The following USH2A variants were observed in gnomAD, a reference collection of about 807,000 sequenced individuals.
USH2A encodes the protein usherin.
Under a neutral mutation model 538.9 loss-of-function variants are expected in USH2A, and 443 were observed. The ratio of observed to expected loss-of-function variants is 0.82; its 90% CI spans 0.76 to 0.89. The LOEUF (loss-of-function observed/expected upper bound fraction) is 0.89, where lower values mean the gene tolerates loss of function less well. USH2A is among the 40% of genes least tolerant of loss of function. The pLI, the probability that USH2A is intolerant of heterozygous loss-of-function variation, is 0.00. For synonymous variants in USH2A, 2,413 were observed against 2,273.5 expected (o/e 1.06, Z -1.75); for missense variants, 6,633 against 6,324.8 (o/e 1.05, Z -1.65).
chr1:215,657,965 TC>T (rs1657315729), intron 64 of USH2A, among the ~76,000 whole-genome samples: 1 of 144,278 alleles, frequency 6.9e-6, no homozygotes, highest in Non-Finnish European at 1.5e-5. Context: ...AGTCTCTCTC[TC>T]TCTGTTGCCC....
chr1:216,321,780 T>G, intron 9 of USH2A, 103 bp downstream of exon 9: 11 of 1,096,710 alleles, frequency 1.0e-5, no homozygotes, highest in Non-Finnish European at 1.5e-5. Context: ...TATCAGTTTT[T>G]AAATTTATTT....
chr1:215,952,706 C>T (rs1183182701), intron 37 of USH2A, among the ~76,000 whole-genome samples: 2 of 152,112 alleles, frequency 1.3e-5, no homozygotes, highest in Non-Finnish European at 2.9e-5. Flanking sequence ...TGAATATTGG[C>T]CCCCACTCTG....
intron 9 of USH2A, among the ~76,000 whole-genome samples, chr1:216,314,994 T>G (rs1255619230): frequency 6.6e-6 from 1 of 152,132 alleles, no homozygotes; most frequent in East Asian, 1.9e-4. Context: ...ATGTAGTTAT[T>G]AAAGGAAAAA....
chr1:216,293,136 C>T lies in USH2A; in HGVS notation c.1645-766G>A, dbSNP rs867213780. ...GCCTCACGGGTTCAAGCGATTCTCC[C>T]GCCTCAGCCTCCCAAGTAGCTGAGA... On this transcript the variant is annotated intron_variant, in intron 9 of 71. Coordinates refer to ENST00000307340, the MANE Select transcript of USH2A (RefSeq NM_206933.4). Among the ~76,000 whole-genome samples the T allele has an allele frequency of 5.9e-5, 9 of 151,758 alleles. No homozygotes were observed. In the East Asian group the frequency reaches 9.8e-4, roughly 16 times the overall value.
intron 54 of USH2A, among the ~76,000 whole-genome samples, chr1:215,781,121 C>A (rs1416442992): frequency 2.0e-5 from 3 of 152,066 alleles, no homozygotes; most frequent in African/African-American, 2.4e-5. Context: ...CAGTGCTCAT[C>A]ATCCACAATA....
chr1:216,034,886 G>T (rs1182831350), intron 32 of USH2A, among the ~76,000 whole-genome samples: 2 of 152,154 alleles, frequency 1.3e-5, no homozygotes, highest in Admixed American at 6.6e-5. Flanking sequence ...CCCATTTTGG[G>T]TATTGTATTA....
Position 215,844,468 on chromosome 1 carries a change from A to C in USH2A, c.9084T>G (p.Val3028=). 1 of 1,611,562 alleles carries C rather than the reference A, an allele frequency of 6.2e-7. No individual in the cohort carries two copies. Among genetic ancestry groups the C allele is most frequent in the Non-Finnish European group, 8.5e-7 (1 of 1,179,822 alleles). Residue 3028 remains valine (V), a synonymous_variant, in exon 46 of 72, where the codon GTT becomes GTG. Coordinates refer to ENST00000307340, the MANE Select transcript of USH2A (RefSeq NM_206933.4). The stretch of plus-strand genomic sequence containing the variant: ...GTACAGCTGTACTGTTGATGATGAC[A>C]ACCTCTGGAGGAAGCATGCCCTGAG... ...GEPQGMLPPE[V]VIINSTAVRV... is the part of the protein sequence containing the mutation.
At chr1:215,850,939 A>G (rs531332033) in intron 44 of USH2A, among the ~76,000 whole-genome samples, 3 of 152,342 alleles carry the variant, frequency 2.0e-5, no homozygotes, top group African/African-American at 7.2e-5. Context: ...CTGCTCCTGA[A>G]TGATCATTGG....
chr1:215,767,380 T>G (rs913863093), intron 55 of USH2A, among the ~76,000 whole-genome samples: 1 of 152,174 alleles, frequency 6.6e-6, no homozygotes, highest in Admixed American at 6.5e-5. Context: ...GAAGGTTAGA[T>G]CCAACATTTT....
chr1:216,156,524 A>G (rs1174175159), intron 21 of USH2A, among the ~76,000 whole-genome samples: 1 of 151,828 alleles, frequency 6.6e-6, no homozygotes, highest in Non-Finnish European at 1.5e-5. Flanking sequence ...ACATTTACAA[A>G]ATAAATCTAC....
intron 57 of USH2A, 73 bp downstream of exon 57, chr1:215,759,587 C>T: frequency 6.4e-7 from 1 of 1,566,438 alleles, no homozygotes; most frequent in South Asian, 1.1e-5. Context: ...TTCAGTGGGA[C>T]ATGCATTTCT....
intron 20 of USH2A, among the ~76,000 whole-genome samples, chr1:216,183,586 T>C (rs544947048): frequency 6.6e-6 from 1 of 152,142 alleles, no homozygotes; most frequent in Admixed American, 6.6e-5. Flanking sequence ...GAGTGATTCA[T>C]GCCCGTCACA....
chr1:216,377,444 G>C (rs2038843114), intron 3 of USH2A, among the ~76,000 whole-genome samples: 1 of 152,082 alleles, frequency 6.6e-6, no homozygotes, highest in African/African-American at 2.4e-5. Context: ...GTCAAATGCA[G>C]AATATTCAGT....
At position 215,622,960 on chromosome 1, in the gene USH2A, AAACC is replaced by A. The variant is rs1655841638; in HGVS notation, c.*2817_*2820del. The A allele has an allele frequency of 1.3e-5, 2 of 152,018 alleles. No individual in the cohort carries two copies. Among genetic ancestry groups the A allele is most frequent in the Non-Finnish European group, 2.9e-5 (2 of 68,004 alleles). The allele number at this position is 152,018 out of a possible 1,614,324, so 9.4% of individuals were successfully genotyped here. A position where few individuals can be genotyped will look rare whatever the true frequency, so the allele number is the denominator to read the frequency against. ...AGTTTACATGATATTTGTGCATTGG[AAACC>A]AACTATTCATTTGTGACATAATTAA... On this transcript the variant is annotated 3_prime_UTR_variant, in exon 72 of 72. Coordinates refer to ENST00000307340, the MANE Select transcript of USH2A (RefSeq NM_206933.4).
At chr1:215,642,189 G>A (rs1402947078) in intron 67 of USH2A, among the ~76,000 whole-genome samples, 1 of 152,130 alleles carries the variant, frequency 6.6e-6, no homozygotes, top group African/African-American at 2.4e-5. Context: ...TCCTCCCCAA[G>A]GAAGACTGAA....
At chr1:215,743,039 G>T in intron 59 of USH2A, 138 bp downstream of exon 59, 1 of 970,750 alleles carries the variant, frequency 1.0e-6, no homozygotes, top group Non-Finnish European at 1.5e-6. Context: ...TGATTTTTCT[G>T]GGTAAACAGT....
intron 37 of USH2A, among the ~76,000 whole-genome samples, chr1:215,963,454 T>C (rs1353118693): frequency 1.3e-5 from 2 of 152,076 alleles, no homozygotes; most frequent in Non-Finnish European, 2.9e-5. Flanking sequence ...ACCGCAAAAA[T>C]TCTTTAAGTC....
At chr1:216,142,081 A>G (rs1328584832) in intron 21 of USH2A, among the ~76,000 whole-genome samples, 1 of 152,200 alleles carries the variant, frequency 6.6e-6, no homozygotes, top group Non-Finnish European at 1.5e-5. Flanking sequence ...TATTTCTTTG[A>G]ACAAGTTCAG....
In USH2A at chr1:215,900,778, G is replaced by A. The variant is rs150372183; in HGVS notation, c.7428C>T (p.Gly2476=). 82 of 1,613,662 alleles carry A rather than the reference G, an allele frequency of 5.1e-5. No individual in the cohort carries two copies. The African/African-American group carries it at 6.5e-4, about 13-fold the overall frequency. Residue 2476 remains glycine (G), a synonymous_variant, in exon 39 of 72, where the codon GGC becomes GGT. Coordinates refer to ENST00000307340, the MANE Select transcript of USH2A (RefSeq NM_206933.4). Reference sequence around the variant, plus strand: ...ACTCTAGAAATCCATGGGTGGAGTCGCCAGACCTCATCTGGAGTTGGTATC... The same window carrying A: ...ACTCTAGAAATCCATGGGTGGAGTCACCAGACCTCATCTGGAGTTGGTATC... ...SPRYQLQMRS[G]DSTHGFLELF... is the part of the protein sequence containing the mutation.
Sources: gnomAD v4.1 joint callset for allele counts (sites outside exome capture counted in the v4.1 genomes callset) on GRCh38, gnomAD v4.1.1 for gene constraint, MANE v1.5 for transcripts, NCBI Gene and HGNC (gene_info 2026-07-23, HGNC 2026-07-21) for gene names.